Variants in XPO1 observed in about 807,000 individuals in gnomAD.
The protein encoded by XPO1 is exportin 1.
Under a neutral mutation model 133.3 loss-of-function variants are expected in XPO1, and 5 were observed. That is an observed-to-expected ratio of 0.04 (90% CI 0.02 to 0.08). The LOEUF is 0.08. Ranked by LOEUF, XPO1 falls within the 10% of genes least tolerant of loss-of-function variation. The probability of loss-of-function intolerance (pLI) is 1.00; values close to 1 mark genes in which losing one functional copy is unlikely to be tolerated. For missense variants in XPO1, 506 were observed against 1,267.5 expected, an observed-to-expected ratio of 0.40 and a Z score of 9.12; for synonymous variants, 419 against 408.2, an observed-to-expected ratio of 1.03 and a Z score of -0.32.
intron 4 of XPO1, among the ~76,000 whole-genome samples, chr2:61,519,797 A>G (rs1283007550): frequency 5.9e-5 from 9 of 152,130 alleles, no homozygotes; most frequent in Non-Finnish European, 5.9e-5. Context: ...CAGAAAAAAA[A>G]TGCAGGAATC....
At chr2:61,520,545 G>A (rs976404716) in intron 4 of XPO1, among the ~76,000 whole-genome samples, 2 of 152,012 alleles carry the variant, frequency 1.3e-5, no homozygotes, top group Admixed American at 6.6e-5. Flanking sequence ...CCAGCTACTC[G>A]GGAGGCTGAG....
chr2:61,515,939 A>AAAC (rs1558664255), intron 4 of XPO1, among the ~76,000 whole-genome samples: 65 of 47,886 alleles, frequency 1.4e-3, no homozygotes, highest in Non-Finnish European at 1.9e-3. Flanking sequence ...AAAAAAAACC[A>AAAC]CACACACACA....
chr2:61,515,370 G>A (rs758040868), intron 4 of XPO1, among the ~76,000 whole-genome samples: 5 of 152,166 alleles, frequency 3.3e-5, no homozygotes, highest in Admixed American at 1.3e-4. Context: ...TATTAGTTCC[G>A]TTTCTGAAAC....
chr2:61,478,325 T>C lies in XPO1; in HGVS notation c.*495A>G. 1 of 235,196 alleles carries C rather than the reference T, an allele frequency of 4.3e-6. No individual in the cohort carries two copies. The highest frequency in any genetic ancestry group is 6.0e-5 in the East Asian group (1 of 16,722). 14.6% of individuals were successfully genotyped at this position (235,196 alleles called of 1,614,324 possible). On this transcript the variant is annotated 3_prime_UTR_variant, in exon 25 of 25. Transcript: ENST00000401558. Reference sequence around the variant, plus strand: ...AAGAGACTTTGTAATACATGTAGTCTAGACAAACGATTCAGTCCAAGAGGT... The same window carrying C: ...AAGAGACTTTGTAATACATGTAGTCCAGACAAACGATTCAGTCCAAGAGGT...
rs1424061664 is a variant in XPO1 at position 61,478,377 on chromosome 2, A to T, written c.*443T>A. 4.0e-6 allele frequency: 1 copy of T among 251,336 alleles called. No individual in the cohort carries two copies. The highest frequency in any genetic ancestry group is 2.2e-5 in the African/African-American group (1 of 45,476). 15.6% of individuals were successfully genotyped at this position (251,336 alleles called of 1,614,324 possible). A position where few individuals can be genotyped will look rare whatever the true frequency, so the allele number is the denominator to read the frequency against. ...CTAACTTCAGACAATGCAGCACTAT[A>T]ATCCTTTAAACAACGCAATTTGTTT... On this transcript the variant is annotated 3_prime_UTR_variant, in exon 25 of 25. Coordinates refer to ENST00000401558, the MANE Select transcript of XPO1 (RefSeq NM_003400.4).
In XPO1 at chr2:61,478,751, A is replaced by G; in HGVS notation, c.*69T>C. 6.5e-7 allele frequency: 1 copy of G among 1,534,132 alleles called. No individual in the cohort carries two copies. Among genetic ancestry groups the G allele is most frequent in the Non-Finnish European group, 8.8e-7 (1 of 1,135,608 alleles). ...TTACAAATTGGCATCATTTTGGTCGACAAATACCCACATGCTGTTTTCCTC... is the reference window on the plus strand; with the variant it reads ...TTACAAATTGGCATCATTTTGGTCGGCAAATACCCACATGCTGTTTTCCTC... On this transcript the variant is annotated 3_prime_UTR_variant, in exon 25 of 25. Coordinates refer to ENST00000401558, the MANE Select transcript of XPO1 (RefSeq NM_003400.4).
At chr2:61,502,081 T>TATAAATAAGAATATAACCAGAC in intron 5 of XPO1, 41 bp from the exon 6 acceptor site, 2 of 1,564,722 alleles carry the variant, frequency 1.3e-6, no homozygotes, top group Non-Finnish European at 1.7e-6. Flanking sequence ...CTGAGGTAAG[T>TATAAATAAGAATATAACCAGAC]ATAAATAAGA....
chr2:61,492,861 T>C lies in XPO1; in HGVS notation c.1384+54A>G. 1 of 1,564,768 alleles carries C rather than the reference T, an allele frequency of 6.4e-7. No homozygotes were observed. The highest frequency in any genetic ancestry group is 8.6e-7 in the Non-Finnish European group (1 of 1,156,376). ...ACAAGTACATTTCCTAAAATGTATT[T>C]CCACCCCAGAATAGATTTATAAAGG... On this transcript the variant is annotated intron_variant, in intron 13 of 24. Transcript: ENST00000401558. The surrounding 1 kb of genome is among the most constrained non-coding windows in gnomAD (Gnocchi z 5.6).
At position 61,484,019 on chromosome 2, in the gene XPO1, A is replaced by G; in HGVS notation, c.2595T>C (p.Ala865=). 1 of 1,614,026 alleles carries G rather than the reference A, an allele frequency of 6.2e-7. No homozygotes were observed. The highest frequency in any genetic ancestry group is 1.1e-5 in the South Asian group (1 of 91,078). Residue 865 remains alanine, a synonymous_variant, in exon 21 of 25, where the codon GCT becomes GCC. Coordinates refer to ENST00000401558, the MANE Select transcript of XPO1 (RefSeq NM_003400.4). ...CAAGTTTAAACTGTGTAGGTGGAAT[A>G]GCAAGGAATGCTGGGAAACAATGAG... ...VNSHCFPAFL[A]IPPTQFKLVL...
intron 4 of XPO1, among the ~76,000 whole-genome samples, chr2:61,516,507 C>T (rs1019200542): frequency 1.3e-4 from 20 of 151,784 alleles, no homozygotes; most frequent in African/African-American, 4.6e-4. Context: ...CTCTGCCTCC[C>T]GGGTTCAAGC....
At chr2:61,479,231 G>C (rs1696208586) in intron 24 of XPO1, among the ~76,000 whole-genome samples, 1 of 152,136 alleles carries the variant, frequency 6.6e-6, no homozygotes, top group Non-Finnish European at 1.5e-5. Flanking sequence ...TTGGGAGGCA[G>C]AGACGGGAAG....
intron 4 of XPO1, among the ~76,000 whole-genome samples, chr2:61,520,111 G>A (rs1698616767): frequency 6.6e-6 from 1 of 152,054 alleles, no homozygotes; most frequent in South Asian, 2.1e-4. Context: ...ATGCACCCCA[G>A]GTGAACAAAT....
chr2:61,500,578 C>CACAAAAA (rs1413627119), intron 6 of XPO1, among the ~76,000 whole-genome samples: 16 of 40,410 alleles, frequency 4.0e-4, no homozygotes, highest in African/African-American at 1.9e-3. Context: ...GACTCCATCT[C>CACAAAAA]AAAAAAAAAA....
At chr2:61,483,844 ACT>A (rs1383890698) in intron 21 of XPO1, 91 bp downstream of exon 21, 5 of 1,421,022 alleles carry the variant, frequency 3.5e-6, no homozygotes, top group Non-Finnish European at 4.9e-6. Context: ...CACACTCAAA[ACT>A]CTGAACAAGT....
Position 61,492,536 on chromosome 2 carries a change from CA to C in XPO1, c.1566+30del, listed in dbSNP as rs1385162241. 1.3e-6 allele frequency: 2 copies of C among 1,595,262 alleles called. No homozygotes were observed. Among genetic ancestry groups the C allele is most frequent in the Non-Finnish European group, 1.7e-6 (2 of 1,173,482 alleles). On this transcript the variant is annotated intron_variant, in intron 14 of 24. Coordinates refer to ENST00000401558, the MANE Select transcript of XPO1 (RefSeq NM_003400.4). This position sits in a 1 kb window ranked among gnomAD's most constrained non-coding sequence, Gnocchi z 5.6. ...TTGTAACAACATAATACTTATTTAG[CA>C]ATTCTAATTCATACCTATCCCTTGC...
chr2:61,522,113 A>C (rs571835100), intron 4 of XPO1, among the ~76,000 whole-genome samples: 16 of 151,632 alleles, frequency 1.1e-4, no homozygotes, highest in Middle Eastern at 3.4e-3. Context: ...CTTGTCACCC[A>C]GGCTGAAGTG....
intron 4 of XPO1, among the ~76,000 whole-genome samples, chr2:61,519,498 C>A (rs1698576159): frequency 2.0e-5 from 3 of 150,262 alleles, no homozygotes. Context: ...GAAATCGAGA[C>A]CTTCCTGGCT....
At chr2:61,491,540 C>T (rs1282726487) in intron 16 of XPO1, among the ~76,000 whole-genome samples, 4 of 151,390 alleles carry the variant, frequency 2.6e-5, no homozygotes, top group Admixed American at 6.6e-5. Context: ...TTTGTTTGTT[C>T]GGAATAATTT....
chr2:61,490,924 G>T, intron 16 of XPO1, 148 bp from the exon 17 acceptor site: 1 of 989,546 alleles, frequency 1.0e-6, no homozygotes, highest in Non-Finnish European at 1.5e-6. Flanking sequence ...AGAAGCCAAG[G>T]CAGGCCAATC....
Sources: allele counts gnomAD v4.1 joint callset (sites outside exome capture counted in the v4.1 genomes callset), GRCh38; gene constraint gnomAD v4.1.1; non-coding constraint Gnocchi (gnomAD v3.1); transcripts MANE v1.5; gene names NCBI Gene and HGNC (gene_info 2026-07-23, HGNC 2026-07-21).